The following ZSCAN5A variants were observed in gnomAD, a reference collection of about 807,000 sequenced individuals.
ZSCAN5A encodes the protein zinc finger and SCAN domain containing 5A.
A neutral mutation model predicts 23.7 loss-of-function variants in ZSCAN5A; 12 were observed. That is an observed-to-expected ratio of 0.51 (90% CI 0.32 to 0.82). The LOEUF (loss-of-function observed/expected upper bound fraction) is 0.82. Ranked by LOEUF, ZSCAN5A falls within the 40% of genes least tolerant of loss-of-function variation. ZSCAN5A has a pLI of 0.03. For missense variants in ZSCAN5A, 597 were observed against 617.9 expected (o/e 0.97, Z 0.36); for synonymous variants, 257 against 239.9 (o/e 1.07, Z -0.66).
chr19:56,341,630 T>C (rs998223442), intron 2 of ZSCAN5A, among the ~76,000 whole-genome samples: 33 of 144,122 alleles, frequency 2.3e-4, no homozygotes, highest in African/African-American at 8.2e-4. Context: ...ATAACCTTCA[T>C]TAAAAATTTT....
At chr19:56,243,787 C>G (rs998062800) in intron 2 of ZSCAN5A, among the ~76,000 whole-genome samples, 13 of 152,008 alleles carry the variant, frequency 8.6e-5, no homozygotes, top group African/African-American at 3.1e-4. Flanking sequence ...GGAAGAGTAA[C>G]AGGGTGGGTT....
chr19:56,345,555 G>A (rs1167468293), intron 2 of ZSCAN5A, among the ~76,000 whole-genome samples: 1 of 152,174 alleles, frequency 6.6e-6, no homozygotes, highest in Non-Finnish European at 1.5e-5. Context: ...AGTATGGAAA[G>A]AAAGAGTCTG....
chr19:56,272,272 G>A (rs781616878), intron 2 of ZSCAN5A, among the ~76,000 whole-genome samples: 7 of 152,152 alleles, frequency 4.6e-5, no homozygotes, highest in Non-Finnish European at 8.8e-5. Context: ...CTAGGACAGG[G>A]GTCCACAAAC....
At chr19:56,244,209 C>T (rs775467290) in intron 2 of ZSCAN5A, 51 of 1,607,358 alleles carry the variant, frequency 3.2e-5, no homozygotes, top group South Asian at 3.0e-4. Context: ...CCAGAGGAGT[C>T]GGACCCCATC....
chr19:56,256,604 C>G (rs924167162), intron 2 of ZSCAN5A, among the ~76,000 whole-genome samples: 2 of 152,140 alleles, frequency 1.3e-5, no homozygotes, highest in African/African-American at 4.8e-5. Flanking sequence ...TCCACAGACA[C>G]GTATTTTAAG....
intron 2 of ZSCAN5A, chr19:56,301,954 A>G (rs1237865186): frequency 1.6e-6 from 2 of 1,231,864 alleles, no homozygotes; most frequent in African/African-American, 3.1e-5. Flanking sequence ...AATCATCTCC[A>G]CGGTTCTCTC....
intron 2 of ZSCAN5A, chr19:56,363,166 A>G (rs184548391): frequency 1.3e-5 from 2 of 152,310 alleles, no homozygotes; most frequent in African/African-American, 4.8e-5. Context: ...ATATGACAAG[A>G]GCACACAGAT....
At chr19:56,321,884 T>G (rs1459340317) in intron 2 of ZSCAN5A, 2 of 795,632 alleles carry the variant, frequency 2.5e-6, no homozygotes, top group East Asian at 2.4e-5. Context: ...GTTGGCACGC[T>G]CATCAAGGGC....
At chr19:56,358,364 A>C (rs901429182) in intron 2 of ZSCAN5A, among the ~76,000 whole-genome samples, 1 of 148,348 alleles carries the variant, frequency 6.7e-6, no homozygotes, top group African/African-American at 2.5e-5. Context: ...CAAGTGATCC[A>C]CCCGCCTCAG....
chr19:56,302,610 T>C (rs1430902033), intron 2 of ZSCAN5A, among the ~76,000 whole-genome samples: 2 of 90,278 alleles, frequency 2.2e-5, no homozygotes, highest in East Asian at 4.9e-4. Context: ...CTTCTTCCTC[T>C]CCCTCTTCCT....
At chr19:56,249,697 T>C (rs2036208662) in intron 2 of ZSCAN5A, among the ~76,000 whole-genome samples, 1 of 152,224 alleles carries the variant, frequency 6.6e-6, no homozygotes, top group South Asian at 2.1e-4. Context: ...GAGCTGACTC[T>C]GTATATTGCT....
chr19:56,265,623 C>A (rs1455558809), intron 2 of ZSCAN5A, among the ~76,000 whole-genome samples: 1 of 151,852 alleles, frequency 6.6e-6, no homozygotes, highest in East Asian at 1.9e-4. Flanking sequence ...CTGGAAGGAA[C>A]TGGCAAAGGG....
At chr19:56,265,765 C>T (rs1254964287) in intron 2 of ZSCAN5A, among the ~76,000 whole-genome samples, 1 of 152,124 alleles carries the variant, frequency 6.6e-6, no homozygotes, top group East Asian at 1.9e-4. Context: ...CTGCTTCTTC[C>T]ACTCTTGCTT....
chr19:56,341,495 C>T (rs1290829424), intron 2 of ZSCAN5A, among the ~76,000 whole-genome samples: 1 of 151,844 alleles, frequency 6.6e-6, no homozygotes, highest in Non-Finnish European at 1.5e-5. Context: ...ACAATATATT[C>T]AATATAAGCT....
At chr19:56,271,764 C>A (rs2037867899) in intron 2 of ZSCAN5A, among the ~76,000 whole-genome samples, 1 of 152,166 alleles carries the variant, frequency 6.6e-6, no homozygotes, top group South Asian at 2.1e-4. Context: ...CTGTTTCTAT[C>A]AGGCTTGAAG....
chr19:56,349,704 C>CAA (rs3059533), intron 2 of ZSCAN5A, among the ~76,000 whole-genome samples: 13 of 30,932 alleles, frequency 4.2e-4, no homozygotes, highest in African/African-American at 7.2e-4. Flanking sequence ...AACTCCGTCT[C>CAA]AAAAAAAAAA....
intron 2 of ZSCAN5A, chr19:56,321,595 A>G (rs1568750864): frequency 6.3e-6 from 5 of 792,120 alleles, no homozygotes; most frequent in East Asian, 2.4e-5. Context: ...TGGCATCCCC[A>G]TATCTGGCAG....
At chr19:56,237,150 C>G (rs776083996) in intron 2 of ZSCAN5A, among the ~76,000 whole-genome samples, 1 of 152,254 alleles carries the variant, frequency 6.6e-6, no homozygotes, top group South Asian at 2.1e-4. Flanking sequence ...TAAACCTGTG[C>G]TTTCCTTACT....
At chr19:56,350,724 A>G (rs1294056017) in intron 2 of ZSCAN5A, among the ~76,000 whole-genome samples, 1 of 152,210 alleles carries the variant, frequency 6.6e-6, no homozygotes, top group Non-Finnish European at 1.5e-5. Context: ...ATGGTCTAAC[A>G]GGGCCCCCCA....
Sources: allele counts gnomAD v4.1 joint callset (sites outside exome capture counted in the v4.1 genomes callset), GRCh38; gene constraint gnomAD v4.1.1; transcripts MANE v1.5; gene names NCBI Gene and HGNC (gene_info 2026-07-23, HGNC 2026-07-21).